The following ANKRD18B variants were observed in gnomAD, a reference collection of about 807,000 sequenced individuals.
ANKRD18B encodes the protein ankyrin repeat domain 18B.
In ANKRD18B, 75 loss-of-function variants were observed where a neutral mutation model predicts 111.8. The ratio of observed to expected loss-of-function variants is 0.67; its 90% CI spans 0.56 to 0.81. The LOEUF (loss-of-function observed/expected upper bound fraction) is 0.81. ANKRD18B is among the 40% of genes least tolerant of loss of function. ANKRD18B has a pLI of 0.00. For missense variants in ANKRD18B, 1,038 were observed against 1,225.5 expected (o/e 0.85, Z 2.28); for synonymous variants, 356 against 417.3 (o/e 0.85, Z 1.79).
At chr9:33,535,889 C>G (rs12236826) in intron 5 of ANKRD18B, among the ~76,000 whole-genome samples, 6,467 of 150,042 alleles carry the variant, frequency 0.043, 166 homozygotes, top group African/African-American at 0.057. Context: ...GTAAGGTGAT[C>G]TGTGAAATGA....
chr9:33,552,363 G>T (rs905031956), intron 12 of ANKRD18B, among the ~76,000 whole-genome samples: 3 of 152,208 alleles, frequency 2.0e-5, no homozygotes, highest in African/African-American at 7.2e-5. Flanking sequence ...GCTGCAGCTT[G>T]TCTGATGAAG....
chr9:33,524,511 G>A lies in ANKRD18B; in HGVS notation c.22G>A (p.Gly8Arg). The change falls in exon 1 of 19, where the codon GGG becomes AGG. Residue 8 changes from glycine to arginine, a missense_variant. By Grantham distance (125) the Gly-to-Arg change is moderately radical. Transcript: ENST00000684830. MRKLLSFGRRLGQALLSS... is the reference protein window; with the variant it reads MRKLLSFRRRLGQALLSS... The stretch of plus-strand genomic sequence containing the variant: ...CACCATGAGGAAGCTCCTCAGTTTT[G>A]GGAGACGCCTGGGCCAGGCGCTCCT... 1 of 1,550,630 alleles carries A rather than the reference G, an allele frequency of 6.4e-7. No homozygotes were observed. Among genetic ancestry groups the A allele is most frequent in the Non-Finnish European group, 8.7e-7 (1 of 1,146,632 alleles).
chr9:33,559,323 C>T lies in ANKRD18B; in HGVS notation c.2460+1136C>T, dbSNP rs191322980. On this transcript the variant is annotated intron_variant, in intron 14 of 18. Coordinates refer to ENST00000684830, the MANE Select transcript of ANKRD18B (RefSeq NM_001393611.1). ...TTCCCCCACAGATGGCAGCTTTGTA[C>T]GGCCATTTCAATCTCTTGGCCCTGC... Among the ~76,000 whole-genome samples the T allele has an allele frequency of 6.0e-4, 91 of 152,208 alleles. 1 individual carries two copies. Among genetic ancestry groups the T allele is most frequent in the Admixed American group, 2.4e-3 (36 of 15,282 alleles).
intron 5 of ANKRD18B, among the ~76,000 whole-genome samples, chr9:33,536,033 G>A (rs1439156746): frequency 6.6e-6 from 1 of 151,896 alleles, no homozygotes; most frequent in Non-Finnish European, 1.5e-5. Context: ...TGTCTTGTAT[G>A]CCAGTTGGAG....
At chr9:33,568,431 C>G (rs558828075) in intron 16 of ANKRD18B, among the ~76,000 whole-genome samples, 7 of 152,286 alleles carry the variant, frequency 4.6e-5, no homozygotes, top group Admixed American at 3.9e-4. Flanking sequence ...ATTTCTCTTC[C>G]CTGTCTACTT....
chr9:33,552,314 T>C, intron 12 of ANKRD18B, among the ~76,000 whole-genome samples: 1 of 152,222 alleles, frequency 6.6e-6, no homozygotes, highest in Non-Finnish European at 1.5e-5. Context: ...CAAAACTGTA[T>C]TTCTGGATGG....
chr9:33,544,004 A>G (rs1228813255), intron 10 of ANKRD18B, among the ~76,000 whole-genome samples: 4 of 152,190 alleles, frequency 2.6e-5, no homozygotes, highest in Non-Finnish European at 4.4e-5. Context: ...TCTGATTGGT[A>G]TTCATTTTGG....
At chr9:33,549,170 G>T (rs1240448023) in intron 11 of ANKRD18B, among the ~76,000 whole-genome samples, 1 of 152,122 alleles carries the variant, frequency 6.6e-6, no homozygotes, top group African/African-American at 2.4e-5. Flanking sequence ...AAAAATCTTT[G>T]AACTGTTTGT....
chr9:33,573,662 C>T (rs1459393425), downstream of ANKRD18B, among the ~76,000 whole-genome samples: 2 of 144,062 alleles, frequency 1.4e-5, no homozygotes, highest in African/African-American at 2.5e-5. Flanking sequence ...CCCAAGAAAA[C>T]CCCCCGGGCC....
chr9:33,536,754 T>C (rs4008884), intron 5 of ANKRD18B, 124 bp from the exon 6 acceptor site: 1 of 589,914 alleles, frequency 1.7e-6, no homozygotes, highest in East Asian at 3.9e-5. Flanking sequence ...TAAAGTGTAT[T>C]GGACATTAGA....
At chr9:33,561,743 T>G (rs1392745247) in intron 14 of ANKRD18B, among the ~76,000 whole-genome samples, 1 of 152,230 alleles carries the variant, frequency 6.6e-6, no homozygotes, top group African/African-American at 2.4e-5. Flanking sequence ...ACCCAGTTGT[T>G]CCAATATCAT....
rs1169270586 is a variant in ANKRD18B at position 33,528,818 on chromosome 9, C to T, written c.298C>T (p.Leu100=). Residue 100 remains leucine (L), a synonymous_variant, in exon 2 of 19, where the codon CTA becomes TTA. Coordinates refer to ENST00000684830, the MANE Select transcript of ANKRD18B (RefSeq NM_001393611.1). ...RKCQINICDR[L]NRTPLMKAVH... is the part of the protein sequence containing the mutation. ...ATGCCAGATCAACATCTGTGACAGA[C>T]TAAACAGGACACCTTTAATGAAGGT... The T allele has an allele frequency of 2.5e-6, 4 of 1,610,368 alleles. No individual in the cohort carries two copies. Among genetic ancestry groups the T allele is most frequent in the Non-Finnish European group, 3.4e-6 (4 of 1,178,086 alleles).
chr9:33,557,057 T>C (rs2118095064), intron 13 of ANKRD18B, among the ~76,000 whole-genome samples: 1 of 152,208 alleles, frequency 6.6e-6, no homozygotes, highest in Admixed American at 6.5e-5. Context: ...CTTAAGTTGG[T>C]TTTCTGATTC....
chr9:33,550,228 G>C (rs1828427071), intron 11 of ANKRD18B, among the ~76,000 whole-genome samples: 3 of 152,204 alleles, frequency 2.0e-5, no homozygotes, highest in Non-Finnish European at 4.4e-5. Context: ...TGTCATGTAA[G>C]AGAATATCAA....
chr9:33,528,858 T>A lies in ANKRD18B; in HGVS notation c.321+17T>A. 1.3e-6 allele frequency: 2 copies of A among 1,589,322 alleles called. No individual in the cohort carries two copies. Among genetic ancestry groups the A allele is most frequent in the Non-Finnish European group, 1.7e-6 (2 of 1,167,656 alleles). On this transcript the variant is annotated intron_variant, in intron 2 of 18. Transcript: ENST00000684830. ...TTAATGAAGGTATATAGTAGCCAAC[T>A]CAGCATGAAATGGATTTGATTTAAA...
chr9:33,565,782 A>G (rs966830783), intron 14 of ANKRD18B, among the ~76,000 whole-genome samples: 4 of 152,116 alleles, frequency 2.6e-5, no homozygotes, highest in Non-Finnish European at 5.9e-5. Flanking sequence ...GTAGAGTATT[A>G]TATTATTTTC....
chr9:33,533,610 A>G (rs1828148181), intron 4 of ANKRD18B, 65 bp downstream of exon 4: 2 of 1,476,466 alleles, frequency 1.4e-6, no homozygotes, highest in South Asian at 2.8e-5. Flanking sequence ...GAGTGGTAAC[A>G]GTCGCTCAAG....
At chr9:33,531,613 T>C (rs1385232831) in intron 3 of ANKRD18B, among the ~76,000 whole-genome samples, 1 of 150,612 alleles carries the variant, frequency 6.6e-6, no homozygotes, top group Non-Finnish European at 1.5e-5. Flanking sequence ...CCTGAGTACT[T>C]CACTTACTTA....
At chr9:33,557,480 G>A (rs1828543717) in intron 13 of ANKRD18B, among the ~76,000 whole-genome samples, 1 of 152,086 alleles carries the variant, frequency 6.6e-6, no homozygotes, top group Non-Finnish European at 1.5e-5. Flanking sequence ...GATATGAATA[G>A]TTTATTTATA....
Sources: gnomAD v4.1 joint callset for allele counts (sites outside exome capture counted in the v4.1 genomes callset) on GRCh38, gnomAD v4.1.1 for gene constraint, MANE v1.5 for transcripts, NCBI Gene and HGNC (gene_info 2026-07-23, HGNC 2026-07-21) for gene names.